The following TPRG1L variants were observed in gnomAD, a reference collection of about 807,000 sequenced individuals.
The protein encoded by TPRG1L is tumor protein p63-regulated gene 1-like protein.
A neutral mutation model predicts 29.4 loss-of-function variants in TPRG1L; 25 were observed. The ratio of observed to expected loss-of-function variants is 0.85; its 90% CI spans 0.62 to 1.19. The LOEUF (loss-of-function observed/expected upper bound fraction) is 1.19. TPRG1L is among the 50% of genes most tolerant of loss of function. The probability of loss-of-function intolerance (pLI) is 0.00; values close to 1 mark genes in which losing one functional copy is unlikely to be tolerated. For synonymous variants in TPRG1L, 182 were observed against 151.1 expected (o/e 1.20, Z -1.50); for missense variants, 354 against 364.4 (o/e 0.97, Z 0.23).
intron 4 of TPRG1L, 39 bp downstream of exon 4, chr1:3,627,692 G>A: frequency 1.2e-6 from 2 of 1,609,476 alleles, no homozygotes; most frequent in Non-Finnish European, 1.7e-6. Context: ...GCCCCCCGCA[G>A]TGATGGAAAC....
At position 3,627,551 on chromosome 1, in the gene TPRG1L, C is replaced by G. The variant is rs749642562; in HGVS notation, c.522C>G (p.Ser174=). ...AGTGGGACAAGCAAAGTCGTCCTTC[C>G]TTCATAAACAGATGGAATCCCTGGT... The part of the protein sequence containing the change: ...RIQWDKQSRP[S]FINRWNPWST... The change falls in exon 4 of 5, where the codon TCC becomes TCG. Residue 174 remains serine (S), a synonymous_variant. Transcript: ENST00000378344. 1 of 1,614,074 alleles carries G rather than the reference C, an allele frequency of 6.2e-7. No homozygotes were observed.
At chr1:3,625,964 A>G in intron 3 of TPRG1L, 75 bp downstream of exon 3, 3 of 1,389,854 alleles carry the variant, frequency 2.2e-6, no homozygotes, top group African/African-American at 1.4e-5. Flanking sequence ...CTTTTAAATC[A>G]GCCCCCCAAG....
At chr1:3,625,403 C>G (rs1318509960) in intron 1 of TPRG1L, 21 bp from the exon 2 acceptor site, 1 of 1,568,642 alleles carries the variant, frequency 6.4e-7, no homozygotes, top group Non-Finnish European at 8.6e-7. Flanking sequence ...GCCCCCGTCC[C>G]CCACCCCGCA....
At position 3,625,350 on chromosome 1, in the gene TPRG1L, G is replaced by T. The variant is rs999486937; in HGVS notation, c.202-74G>T. 7 of 1,533,288 alleles carry T rather than the reference G, an allele frequency of 4.6e-6. No homozygotes were observed. The African/African-American group carries it at 5.6e-5, about 12-fold the overall frequency. The allele number at this position is 1,533,288 out of a possible 1,614,324, so 95.0% of individuals were successfully genotyped here. On this transcript the variant is annotated intron_variant, in intron 1 of 4. Transcript: ENST00000378344. ...GGGGCGGGTGGGGTCGGAGGCGGGCGCCGGGCGGTCCCGCAGGGAGCGAGC... is the reference window on the plus strand; with the variant it reads ...GGGGCGGGTGGGGTCGGAGGCGGGCTCCGGGCGGTCCCGCAGGGAGCGAGC...
At position 3,625,054 on chromosome 1, in the gene TPRG1L, G is replaced by C. The variant is rs748594911; in HGVS notation, c.-19G>C. The C allele has an allele frequency of 9.2e-5, 110 of 1,202,028 alleles. No individual in the cohort carries two copies. The highest frequency in any genetic ancestry group is 3.6e-4 in the Admixed American group (8 of 22,056). The allele number at this position is 1,202,028 out of a possible 1,614,324, so 74.5% of individuals were successfully genotyped here. ...CGGTCGCGTCGGCGTCAGGGTCGGG[G>C]TCGGTAAGGGGTGCGGCAATGCTGC... On this transcript the variant is annotated 5_prime_UTR_variant, in exon 1 of 5. Transcript: ENST00000378344.
At position 3,630,080 on chromosome 1, in the gene TPRG1L, ATGT is replaced by A. The variant is rs921663610; in HGVS notation, c.*1482_*1484del. On this transcript the variant is annotated 3_prime_UTR_variant, in exon 5 of 5. Transcript: ENST00000378344. ...CATAAAGACATTAAGAAGTGGATGG[ATGT>A]TGTTCCTTTTTTGAAGTTGTCATTA... 1.3e-4 allele frequency: 20 copies of A among 152,336 alleles called. No homozygotes were observed. The highest frequency in any genetic ancestry group is 4.8e-4 in the African/African-American group (20 of 41,562). The allele number at this position is 152,336 out of a possible 1,614,324, so 9.4% of individuals were successfully genotyped here.
chr1:3,625,958 T>A (rs1369517753), intron 3 of TPRG1L, 69 bp downstream of exon 3: 1 of 1,438,088 alleles, frequency 7.0e-7, no homozygotes, highest in Non-Finnish European at 9.4e-7. Flanking sequence ...TCAGCCCTTT[T>A]AAATCAGCCC....
rs751179546 is a variant in TPRG1L, at chr1:3,625,800, C to T, written c.381C>T (p.Leu127=). 6 of 1,613,774 alleles carry T rather than the reference C, an allele frequency of 3.7e-6. No individual in the cohort carries two copies. In the South Asian group the frequency reaches 5.5e-5, roughly 15 times the overall value. ...TCTGTAAATACGACTTCATCAGTCT[C>T]CAGTGCCAGCAGGTGGTGCGGATAG... ...LLICKYDFIS[L]QCQQVVRIAL... is the part of the protein sequence containing the mutation. The change falls in exon 3 of 5, where the codon CTC becomes CTT. Residue 127 remains leucine (L), a synonymous_variant. Transcript: ENST00000378344.
chr1:3,627,738 C>T (rs1644500122), intron 4 of TPRG1L, 85 bp downstream of exon 4: 2 of 1,566,322 alleles, frequency 1.3e-6, no homozygotes, highest in Non-Finnish European at 1.7e-6. Context: ...CAGGTCTGCA[C>T]TGTCCGGCGG....
Position 3,625,507 on chromosome 1 carries a change from G to A in TPRG1L, c.285G>A (p.Leu95=). The A allele has an allele frequency of 6.2e-7, 1 of 1,603,874 alleles. No individual in the cohort carries two copies. Among genetic ancestry groups the A allele is most frequent in the Non-Finnish European group, 8.5e-7 (1 of 1,176,474 alleles). ...VEDGEIQGVW[L]LTEVDHWNNE... ...ACGGCGAGATCCAGGGAGTGTGGCT[G>A]CTTACCGAGTAAGCCGGGGCTGCGC... is the stretch of plus-strand genomic sequence containing the variant. The change falls in exon 2 of 5, where the codon CTG becomes CTA. Residue 95 remains leucine, a synonymous_variant. Coordinates refer to ENST00000378344, the MANE Select transcript of TPRG1L (RefSeq NM_182752.4).
rs769623319 is a variant in TPRG1L at position 3,625,380 on chromosome 1, A to G, written c.202-44A>G. 12 of 1,550,612 alleles carry G rather than the reference A, an allele frequency of 7.7e-6. No homozygotes were observed. The South Asian group carries it at 1.4e-4, about 18-fold the overall frequency. The stretch of plus-strand genomic sequence containing the variant: ...GCGGTCCCGCAGGGAGCGAGCTGTG[A>G]CCTGTGATCTTTGCCCCCGTCCCCC... On this transcript the variant is annotated intron_variant, in intron 1 of 4. Transcript: ENST00000378344.
intron 4 of TPRG1L, 106 bp downstream of exon 4, chr1:3,627,759 C>T (rs931498711): frequency 2.1e-6 from 3 of 1,426,052 alleles, no homozygotes; most frequent in South Asian, 1.3e-5. Flanking sequence ...CCACGCGGAG[C>T]TGCCGAGCAC....
In TPRG1L at chr1:3,629,366, T is replaced by G. The variant is rs1644509457; in HGVS notation, c.*763T>G. On this transcript the variant is annotated 3_prime_UTR_variant, in exon 5 of 5. Transcript: ENST00000378344. The stretch of plus-strand genomic sequence containing the variant: ...GTTTTACACCTCTCTGGATTCGAAG[T>G]TTGTATTGTATTCATAGTTAAAGGG... The G allele has an allele frequency of 6.6e-6, 1 of 152,240 alleles. No homozygotes were observed. Among genetic ancestry groups the G allele is most frequent in the African/African-American group, 2.4e-5 (1 of 41,464 alleles). 9.4% of individuals were successfully genotyped at this position (152,240 alleles called of 1,614,324 possible).
Position 3,625,788 on chromosome 1 carries a change from CT to C in TPRG1L, c.371del (p.Phe124SerfsTer12). 6.2e-7 allele frequency: 1 copy of C among 1,613,794 alleles called. No homozygotes were observed. The highest frequency in any genetic ancestry group is 8.5e-7 in the Non-Finnish European group (1 of 1,180,032). Reference sequence around the variant, plus strand: ...AGTCCCTGCTTATCTGTAAATACGACTTCATCAGTCTCCAGTGCCAGCAGGT... The same window carrying C: ...AGTCCCTGCTTATCTGTAAATACGACTCATCAGTCTCCAGTGCCAGCAGGT... The part of the protein sequence containing the change: ...EQSLLICKYD[F>X]ISLQCQQVVR... On this transcript the variant is annotated frameshift_variant, in exon 3 of 5. Transcript: ENST00000378344. LOFTEE classifies it high-confidence loss of function.
chr1:3,627,522 A>G lies in TPRG1L; in HGVS notation c.493A>G (p.Ile165Val), dbSNP rs1644498348. The stretch of plus-strand genomic sequence containing the variant: ...CAGGCGAGAAGGTTTTGGGATTCGA[A>G]TTCAGTGGGACAAGCAAAGTCGTCC... ...LNKREGFGIR[I>V]QWDKQSRPSF... The change falls in exon 4 of 5, where the codon ATT becomes GTT. Residue 165 changes from isoleucine (I) to valine (V), a missense_variant. Physicochemically the swap from Ile to Val is conservative, Grantham distance 29. Transcript: ENST00000378344. The G allele has an allele frequency of 6.2e-7, 1 of 1,613,996 alleles. No individual in the cohort carries two copies. The highest frequency in any genetic ancestry group is 1.3e-5 in the African/African-American group (1 of 75,040).
chr1:3,625,057 G>A lies in TPRG1L; in HGVS notation c.-16G>A. On this transcript the variant is annotated 5_prime_UTR_variant, in exon 1 of 5. Transcript: ENST00000378344. ...TCGCGTCGGCGTCAGGGTCGGGGTC[G>A]GTAAGGGGTGCGGCAATGCTGCAAC... is the stretch of plus-strand genomic sequence containing the variant. 1.7e-6 allele frequency: 2 copies of A among 1,202,694 alleles called. No homozygotes were observed. The highest frequency in any genetic ancestry group is 2.1e-6 in the Non-Finnish European group (2 of 960,748). The allele number at this position is 1,202,694 out of a possible 1,614,324, so 74.5% of individuals were successfully genotyped here.
chr1:3,628,903 T>C lies in TPRG1L; in HGVS notation c.*300T>C. On this transcript the variant is annotated 3_prime_UTR_variant, in exon 5 of 5. Transcript: ENST00000378344. ...TCTCTGTAACTTCAGTTCTGGTGTTTTCCTTGAGTATCTACTTGGCTTCTC... is the reference window on the plus strand; with the variant it reads ...TCTCTGTAACTTCAGTTCTGGTGTTCTCCTTGAGTATCTACTTGGCTTCTC... 3.8e-6 allele frequency: 1 copy of C among 264,002 alleles called. No individual in the cohort carries two copies. The highest frequency in any genetic ancestry group is 6.7e-5 in the East Asian group (1 of 15,028). 16.4% of individuals were successfully genotyped at this position (264,002 alleles called of 1,614,324 possible).
Position 3,628,989 on chromosome 1 carries a change from T to G in TPRG1L, c.*386T>G. On this transcript the variant is annotated 3_prime_UTR_variant, in exon 5 of 5. Coordinates refer to ENST00000378344, the MANE Select transcript of TPRG1L (RefSeq NM_182752.4). Reference sequence around the variant, plus strand: ...GACCCATAGCACACCCCTTAGCGCTTGCCTAGGTTGCTGAAAACAGGGAGG... The same window carrying G: ...GACCCATAGCACACCCCTTAGCGCTGGCCTAGGTTGCTGAAAACAGGGAGG... 1.8e-5 allele frequency: 3 copies of G among 163,504 alleles called. No individual in the cohort carries two copies. The highest frequency in any genetic ancestry group is 4.0e-5 in the Non-Finnish European group (3 of 75,882). The allele number at this position is 163,504 out of a possible 1,614,324, so 10.1% of individuals were successfully genotyped here. A position where few individuals can be genotyped will look rare whatever the true frequency, so the allele number is the denominator to read the frequency against.
In TPRG1L at chr1:3,629,553, C is replaced by G. The variant is rs539658574; in HGVS notation, c.*950C>G. 1.4e-5 allele frequency: 2 copies of G among 145,166 alleles called. No homozygotes were observed. Among genetic ancestry groups the G allele is most frequent in the Non-Finnish European group, 3.1e-5 (2 of 64,472 alleles). The allele number at this position is 145,166 out of a possible 1,614,324, so 9.0% of individuals were successfully genotyped here. On this transcript the variant is annotated 3_prime_UTR_variant, in exon 5 of 5. Coordinates refer to ENST00000378344, the MANE Select transcript of TPRG1L (RefSeq NM_182752.4). ...GCAGCCTGGGCAACATGGTGAAACC[C>G]GTCTCTACCAAACAGACAAAAAGCA...
Sources: gnomAD v4.1 joint callset for allele counts on GRCh38, gnomAD v4.1.1 for gene constraint, MANE v1.5 for transcripts, NCBI Gene and HGNC (gene_info 2026-07-23, HGNC 2026-07-21) for gene names.